The following PRKAG2 variants were observed in gnomAD, a reference collection of about 807,000 sequenced individuals.
The protein encoded by PRKAG2 is protein kinase AMP-activated non-catalytic subunit gamma 2.
A neutral mutation model predicts 69.6 loss-of-function variants in PRKAG2; 26 were observed. The observed-to-expected ratio is 0.37, with a 90% CI of 0.27 to 0.52. The LOEUF (loss-of-function observed/expected upper bound fraction) is 0.52, where lower values mean the gene tolerates loss of function less well. Ranked by LOEUF, PRKAG2 falls within the 20% of genes least tolerant of loss-of-function variation. The pLI is 0.90. For missense variants in PRKAG2, 557 were observed against 740.0 expected (o/e 0.75, Z 2.87); for synonymous variants, 293 against 285.0 (o/e 1.03, Z -0.28).
chr7:151,606,552 G>T (rs1017958639), intron 5 of PRKAG2, among the ~76,000 whole-genome samples: 1 of 152,208 alleles, frequency 6.6e-6, no homozygotes, highest in African/African-American at 2.4e-5. Context: ...GCGTGCGGTG[G>T]CTCACGCCTG....
At chr7:151,557,292 C>T (rs1006997518) in intron 15 of PRKAG2, 60 bp from the exon 16 acceptor site, 2 of 1,613,454 alleles carry the variant, frequency 1.2e-6, no homozygotes, top group Non-Finnish European at 1.7e-6. Flanking sequence ...GTTCTCTACC[C>T]CAGGGGTTTC....
intron 4 of PRKAG2, among the ~76,000 whole-genome samples, chr7:151,672,152 A>C (rs1832149904): frequency 6.7e-6 from 1 of 149,020 alleles, no homozygotes; most frequent in South Asian, 2.1e-4. Context: ...CCCAGGCTGG[A>C]GTGCAGTGGC....
chr7:151,656,619 T>C (rs1654173738), intron 4 of PRKAG2, among the ~76,000 whole-genome samples: 1 of 152,192 alleles, frequency 6.6e-6, no homozygotes, highest in African/African-American at 2.4e-5. Flanking sequence ...TCCAACAATA[T>C]ATTTAGCTAA....
intron 13 of PRKAG2, 88 bp from the exon 14 acceptor site, chr7:151,564,312 C>A: frequency 6.9e-7 from 1 of 1,455,062 alleles, no homozygotes; most frequent in Non-Finnish European, 9.6e-7. Context: ...AGCCTGATTT[C>A]TAAAAACTTT....
intron 1 of PRKAG2, among the ~76,000 whole-genome samples, chr7:151,852,194 C>G (rs751556202): frequency 1.2e-4 from 18 of 152,168 alleles, no homozygotes; most frequent in Non-Finnish European, 2.2e-4. Flanking sequence ...CTAGGGGGGA[C>G]AGAACCCTCA....
intron 1 of PRKAG2, among the ~76,000 whole-genome samples, chr7:151,795,197 G>A (rs909281814): frequency 6.6e-5 from 10 of 152,248 alleles, no homozygotes; most frequent in Middle Eastern, 3.2e-3. Flanking sequence ...CACCTAGAGG[G>A]ACAGGTTGGG....
chr7:151,851,032 C>T lies in PRKAG2; in HGVS notation c.114+25475G>A, dbSNP rs112221095. 4.3e-3 allele frequency among the ~76,000 whole-genome samples: 652 copies of T among 152,324 alleles called. 6 individuals carry two copies. The highest frequency in any genetic ancestry group is 0.015 in the African/African-American group (626 of 41,568). ...GACTCTCAAATTCCTCCAGCGATCC[C>T]GCCGTCTCTGTGCCTGGCCCTCTTT... On this transcript the variant is annotated intron_variant, in intron 1 of 15. Coordinates refer to ENST00000287878, the MANE Select transcript of PRKAG2 (RefSeq NM_016203.4).
At chr7:151,804,302 A>G (rs2077992488) in intron 1 of PRKAG2, among the ~76,000 whole-genome samples, 1 of 152,144 alleles carries the variant, frequency 6.6e-6, no homozygotes, top group African/African-American at 2.4e-5. Context: ...TACAATAAAA[A>G]CTTGGTCCAT....
chr7:151,876,721 A>C lies in PRKAG2; in HGVS notation c.-101T>G, dbSNP rs1239506778. ...TCGGACTGGAGCCGCGCGCTCTGTT[A>C]CACCCTGAAGCCACCTCGTGGGGAC... On this transcript the variant is annotated 5_prime_UTR_variant, in exon 1 of 16. Coordinates refer to ENST00000287878, the MANE Select transcript of PRKAG2 (RefSeq NM_016203.4). 1 of 1,173,588 alleles carries C rather than the reference A, an allele frequency of 8.5e-7. No homozygotes were observed. Among genetic ancestry groups the C allele is most frequent in the East Asian group, 2.5e-5 (1 of 39,944 alleles). 72.7% of individuals were successfully genotyped at this position (1,173,588 alleles called of 1,614,324 possible). A position where few individuals can be genotyped will look rare whatever the true frequency, so the allele number is the denominator to read the frequency against.
At chr7:151,790,878 C>A (rs2077244338) in intron 1 of PRKAG2, among the ~76,000 whole-genome samples, 1 of 152,240 alleles carries the variant, frequency 6.6e-6, no homozygotes, top group African/African-American at 2.4e-5. Flanking sequence ...CAAAGGGACT[C>A]ACGTCAAGAT....
At chr7:151,757,567 T>C (rs2075167959) in intron 3 of PRKAG2, among the ~76,000 whole-genome samples, 1 of 152,234 alleles carries the variant, frequency 6.6e-6, no homozygotes, top group Non-Finnish European at 1.5e-5. Flanking sequence ...TCGGTCATAA[T>C]TGTGAGCTAG....
intron 1 of PRKAG2, among the ~76,000 whole-genome samples, chr7:151,825,008 T>A (rs2151868562): frequency 6.6e-6 from 1 of 152,166 alleles, no homozygotes; most frequent in South Asian, 2.1e-4. Context: ...GGTCAGGAGT[T>A]CGAGACCAGC....
intron 5 of PRKAG2, among the ~76,000 whole-genome samples, chr7:151,597,280 T>C (rs1201346293): frequency 6.6e-6 from 1 of 152,042 alleles, no homozygotes; most frequent in Non-Finnish European, 1.5e-5. Flanking sequence ...CAATGGAAAA[T>C]AGATTAGAGA....
chr7:151,875,724 C>T (rs914664451), intron 1 of PRKAG2, among the ~76,000 whole-genome samples: 1 of 151,958 alleles, frequency 6.6e-6, no homozygotes, highest in Non-Finnish European at 1.5e-5. Context: ...CGCGGGCTAC[C>T]GGGGCGCCTT....
chr7:151,729,246 C>T (rs1287539177), intron 3 of PRKAG2, among the ~76,000 whole-genome samples: 1 of 151,830 alleles, frequency 6.6e-6, no homozygotes, highest in Non-Finnish European at 1.5e-5. Flanking sequence ...GTCCCATCAT[C>T]CCAAATGCTT....
Position 151,614,442 on chromosome 7 carries a change from A to T in PRKAG2, c.754+17627T>A, listed in dbSNP as rs1819600796. Among the ~76,000 whole-genome samples, 1 of 152,084 alleles carries T rather than the reference A, an allele frequency of 6.6e-6. No individual in the cohort carries two copies. Among genetic ancestry groups the T allele is most frequent in the South Asian group, 2.1e-4 (1 of 4,832 alleles). On this transcript the variant is annotated intron_variant, in intron 5 of 15. Coordinates refer to ENST00000287878, the MANE Select transcript of PRKAG2 (RefSeq NM_016203.4). The surrounding 1 kb of genome is among the most constrained non-coding windows in gnomAD (Gnocchi z 4.4). ...AGGGGCTCACACAGGAGGCTGAAAA[A>T]ATCAGGGCTGCGTGGACGCTCAGTC...
At chr7:151,596,808 A>T (rs990664880) in intron 5 of PRKAG2, among the ~76,000 whole-genome samples, 1 of 152,130 alleles carries the variant, frequency 6.6e-6, no homozygotes, top group South Asian at 2.1e-4. Context: ...AAAAGGGAAG[A>T]TATCTTGTGT....
At chr7:151,662,260 G>A (rs1424334532) in intron 4 of PRKAG2, among the ~76,000 whole-genome samples, 5 of 152,076 alleles carry the variant, frequency 3.3e-5, no homozygotes, top group Admixed American at 2.6e-4. Flanking sequence ...CTAAATCCAC[G>A]TCCGTGCCAT....
At chr7:151,805,386 C>T (rs2078050925) in intron 1 of PRKAG2, among the ~76,000 whole-genome samples, 1 of 152,168 alleles carries the variant, frequency 6.6e-6, no homozygotes, top group South Asian at 2.1e-4. Context: ...GGCTCAGCTG[C>T]CACCTGACTT....
Sources: gnomAD v4.1 joint callset for allele counts (sites outside exome capture counted in the v4.1 genomes callset) on GRCh38, gnomAD v4.1.1 for gene constraint, Gnocchi (gnomAD v3.1) non-coding constraint, MANE v1.5 for transcripts, NCBI Gene and HGNC (gene_info 2026-07-23, HGNC 2026-07-21) for gene names.